Variants in GRIN2B observed in about 807,000 individuals in gnomAD.
GRIN2B encodes the protein glutamate receptor ionotropic, NMDA 2B.
GRIN2B carries 5 observed loss-of-function variants against 114.5 expected under a neutral mutation model. The ratio of observed to expected loss-of-function variants is 0.04; its 90% CI spans 0.02 to 0.09. The LOEUF is 0.09. Ranked by LOEUF, GRIN2B falls within the 10% of genes least tolerant of loss-of-function variation. The pLI, the probability that GRIN2B is intolerant of heterozygous loss-of-function variation, is 1.00. For synonymous variants in GRIN2B, 787 were observed against 745.1 expected (o/e 1.06, Z -0.92); for missense variants, 1,108 against 1,943.5 (o/e 0.57, Z 8.08).
chr12:13,842,992 G>GTT (rs530108457), intron 3 of GRIN2B, among the ~76,000 whole-genome samples: 1 of 58,762 alleles, frequency 1.7e-5, no homozygotes, highest in African/African-American at 5.3e-5. Flanking sequence ...GCGGTGTTTT[G>GTT]TTTTTTTTTA....
chr12:13,549,707 T>G lies in GRIN2B; in HGVS notation c.*13076A>C, dbSNP rs1179053655. 1 of 152,150 alleles carries G rather than the reference T, an allele frequency of 6.6e-6. No individual in the cohort carries two copies. The highest frequency in any genetic ancestry group is 1.5e-5 in the Non-Finnish European group (1 of 68,022). 9.4% of individuals were successfully genotyped at this position (152,150 alleles called of 1,614,324 possible). On this transcript the variant is annotated 3_prime_UTR_variant, in exon 14 of 14. Coordinates refer to ENST00000609686, the MANE Select transcript of GRIN2B (RefSeq NM_000834.5). ...GCTACCTAAAAAAAATTTTTAATAA[T>G]AAAAAATTATTCACAATATCTTACC...
intron 10 of GRIN2B, among the ~76,000 whole-genome samples, chr12:13,607,081 C>T (rs1164706430): frequency 7.0e-6 from 1 of 143,018 alleles, no homozygotes; most frequent in Non-Finnish European, 1.5e-5. Flanking sequence ...TAGTAACACC[C>T]CACACTGGCA....
chr12:13,937,160 T>C (rs1396581985), intron 2 of GRIN2B, among the ~76,000 whole-genome samples: 1 of 149,902 alleles, frequency 6.7e-6, no homozygotes, highest in Non-Finnish European at 1.5e-5. Flanking sequence ...CAATATTAAA[T>C]AATCTAACAT....
At position 13,545,015 on chromosome 12, in the gene GRIN2B, C is replaced by T. The variant is rs1465792533; in HGVS notation, c.*17768G>A. The T allele has an allele frequency of 6.6e-6, 1 of 152,370 alleles. No homozygotes were observed. Among genetic ancestry groups the T allele is most frequent in the Non-Finnish European group, 1.5e-5 (1 of 68,166 alleles). The allele number at this position is 152,370 out of a possible 1,614,324, so 9.4% of individuals were successfully genotyped here. On this transcript the variant is annotated 3_prime_UTR_variant, in exon 14 of 14. Transcript: ENST00000609686. ...AAAGCCAAATCCTGACAGTGTCCTA[C>T]AAGGCCCTACCTGACTTGCGTTATT...
intron 3 of GRIN2B, among the ~76,000 whole-genome samples, chr12:13,856,098 A>C (rs1340194388): frequency 2.0e-5 from 3 of 152,196 alleles, no homozygotes; most frequent in Non-Finnish European, 4.4e-5. Flanking sequence ...GGAGTCAGGA[A>C]AGTGTGCACA....
intron 5 of GRIN2B, among the ~76,000 whole-genome samples, chr12:13,667,253 T>A (rs1949985472): frequency 6.6e-6 from 1 of 152,110 alleles, no homozygotes; most frequent in Non-Finnish European, 1.5e-5. Context: ...TCAACAAAGT[T>A]AGAAGGCAGC....
chr12:13,849,889 C>T (rs994302472), intron 3 of GRIN2B, among the ~76,000 whole-genome samples: 3 of 152,190 alleles, frequency 2.0e-5, no homozygotes, highest in East Asian at 1.9e-4. Flanking sequence ...ATTTACTTCT[C>T]TCATGCATTG....
At chr12:13,567,376 A>G (rs1948655162) in intron 12 of GRIN2B, 113 bp from the exon 13 acceptor site, 3 of 709,818 alleles carry the variant, frequency 4.2e-6, no homozygotes, top group East Asian at 2.7e-5. Flanking sequence ...TGACAGAAAA[A>G]GAGACAAGGA....
chr12:13,888,040 C>CA (rs1186402518), intron 2 of GRIN2B, among the ~76,000 whole-genome samples: 1 of 152,062 alleles, frequency 6.6e-6, no homozygotes, highest in African/African-American at 2.4e-5. Flanking sequence ...AACAATAAAA[C>CA]AGCTGAATTG....
At chr12:13,851,217 G>C (rs1865559872) in intron 3 of GRIN2B, among the ~76,000 whole-genome samples, 3 of 152,162 alleles carry the variant, frequency 2.0e-5, no homozygotes, top group Admixed American at 6.5e-5. Context: ...GAGAGTTGTT[G>C]AACTGACATC....
At chr12:13,576,172 T>TGTCA (rs1948773162) in intron 10 of GRIN2B, among the ~76,000 whole-genome samples, 1 of 152,218 alleles carries the variant, frequency 6.6e-6, no homozygotes, top group South Asian at 2.1e-4. Context: ...TTTTTTATAC[T>TGTCA]GTCATTGGAA....
At chr12:13,825,493 A>ATATATATATTTTTT (rs1555144006) in intron 3 of GRIN2B, among the ~76,000 whole-genome samples, 43 of 28,126 alleles carry the variant, frequency 1.5e-3, no homozygotes, top group South Asian at 4.8e-3. Flanking sequence ...ATATATATAT[A>ATATATATATTTTTT]TTTTGTGTGT....
At chr12:13,962,089 T>TACACACACACAC (rs143658576) in intron 2 of GRIN2B, among the ~76,000 whole-genome samples, 5,339 of 145,276 alleles carry the variant, frequency 0.037, 137 homozygotes, top group Non-Finnish European at 0.041. Flanking sequence ...CTCTCATACA[T>TACACACACACAC]ACACACACAC....
At chr12:13,654,019 C>T (rs935817242) in intron 5 of GRIN2B, among the ~76,000 whole-genome samples, 3 of 152,140 alleles carry the variant, frequency 2.0e-5, no homozygotes, top group African/African-American at 7.2e-5. Context: ...TACCTCCTTT[C>T]TGCACTCCCT....
At chr12:13,621,252 A>C (rs1412632790) in intron 5 of GRIN2B, among the ~76,000 whole-genome samples, 1 of 152,194 alleles carries the variant, frequency 6.6e-6, no homozygotes, top group Non-Finnish European at 1.5e-5. Context: ...AACATCTTGA[A>C]AGTGCATCCA....
chr12:13,575,243 A>G (rs901157820), intron 10 of GRIN2B, among the ~76,000 whole-genome samples: 1 of 152,238 alleles, frequency 6.6e-6, no homozygotes, highest in African/African-American at 2.4e-5. Context: ...TGCAGTTAAA[A>G]TCATAAAAAA....
At chr12:13,632,683 A>G (rs1949626226) in intron 5 of GRIN2B, among the ~76,000 whole-genome samples, 1 of 152,168 alleles carries the variant, frequency 6.6e-6, no homozygotes, top group Non-Finnish European at 1.5e-5. Flanking sequence ...AAGGGCAAAG[A>G]GTTCAGCTAG....
intron 2 of GRIN2B, among the ~76,000 whole-genome samples, chr12:13,876,860 G>C (rs1241695584): frequency 6.6e-6 from 1 of 152,160 alleles, no homozygotes; most frequent in Non-Finnish European, 1.5e-5. Context: ...TGGCATAATG[G>C]TAGGTGCACA....
chr12:13,586,556 C>A (rs1471112581), intron 10 of GRIN2B, among the ~76,000 whole-genome samples: 3 of 151,998 alleles, frequency 2.0e-5, no homozygotes. Flanking sequence ...ACACAGGAGC[C>A]GAGGAATAAT....
Sources: gnomAD v4.1 joint callset for allele counts (sites outside exome capture counted in the v4.1 genomes callset) on GRCh38, gnomAD v4.1.1 for gene constraint, MANE v1.5 for transcripts, NCBI Gene and HGNC (gene_info 2026-07-23, HGNC 2026-07-21) for gene names.